The following STON2 variants were observed in gnomAD, a reference collection of about 807,000 sequenced individuals.
STON2 encodes stonin 2.
In STON2, 29 loss-of-function variants were observed where a neutral mutation model predicts 65.7. The observed-to-expected ratio is 0.44, with a 90% confidence interval of 0.33 to 0.60. The LOEUF is 0.60. Among genes scored for constraint, STON2 ranks in the 20% least tolerant of loss-of-function variants. STON2 has a pLI of 0.03. For missense variants in STON2, 1,054 were observed against 1,118.1 expected, an observed-to-expected ratio of 0.94 and a Z score of 0.82; for synonymous variants, 404 against 414.2, an observed-to-expected ratio of 0.98 and a Z score of 0.30.
At chr14:81,303,330 A>G (rs987400485) in intron 5 of STON2, among the ~76,000 whole-genome samples, 3 of 152,226 alleles carry the variant, frequency 2.0e-5, no homozygotes, top group African/African-American at 7.2e-5. Flanking sequence ...GCAGGCACTC[A>G]GTAAATATTT....
chr14:81,360,730 T>C (rs1478786053), intron 4 of STON2, among the ~76,000 whole-genome samples: 1 of 152,114 alleles, frequency 6.6e-6, no homozygotes, highest in East Asian at 1.9e-4. Flanking sequence ...GGAAATGAAA[T>C]TGCCACTGTT....
At chr14:81,295,505 C>T (rs530063739) in intron 5 of STON2, among the ~76,000 whole-genome samples, 2 of 152,198 alleles carry the variant, frequency 1.3e-5, no homozygotes, top group South Asian at 4.2e-4. Flanking sequence ...CTCCTAAATA[C>T]CAAAAGAACT....
chr14:81,419,514 A>C (rs993028445), intron 2 of STON2, among the ~76,000 whole-genome samples: 1 of 152,216 alleles, frequency 6.6e-6, no homozygotes, highest in African/African-American at 2.4e-5. Context: ...GTTCTAAATG[A>C]TGGATCTTTT....
At chr14:81,379,429 A>G (rs1899408676) in intron 3 of STON2, among the ~76,000 whole-genome samples, 1 of 152,232 alleles carries the variant, frequency 6.6e-6, no homozygotes, top group Admixed American at 6.5e-5. Context: ...GGAGATAGAG[A>G]TAAATAGATA....
Position 81,424,062 on chromosome 14 carries a change from G to A in STON2, c.-199+3040C>T, listed in dbSNP as rs1175855397. On this transcript the variant is annotated intron_variant, in intron 2 of 8. Transcript: ENST00000553821. The stretch of plus-strand genomic sequence containing the variant: ...AAATGCCACAGCTTGCAGGACAAAA[G>A]AATTCTCACAGTATAAAATGTGAGC... Among the ~76,000 whole-genome samples, 3 of 152,326 alleles carry A rather than the reference G, an allele frequency of 2.0e-5. No homozygotes were observed. The East Asian group carries it at 5.8e-4, about 29-fold the overall frequency.
chr14:81,382,578 G>A (rs1251137310), intron 3 of STON2, among the ~76,000 whole-genome samples: 3 of 152,124 alleles, frequency 2.0e-5, no homozygotes, highest in Admixed American at 6.5e-5. Flanking sequence ...AGGGAGGAGG[G>A]TGTGATCAGT....
At chr14:81,399,409 T>C (rs952544023) in intron 1 of STON2, among the ~76,000 whole-genome samples, 12 of 152,228 alleles carry the variant, frequency 7.9e-5, no homozygotes, top group African/African-American at 2.9e-4. Flanking sequence ...TTGAACAATA[T>C]CAGTTCTTAT....
intron 5 of STON2, among the ~76,000 whole-genome samples, chr14:81,293,970 A>G (rs1235331810): frequency 6.6e-6 from 1 of 152,170 alleles, no homozygotes; most frequent in African/African-American, 2.4e-5. Context: ...TGATACACCA[A>G]CTTCCTGAAG....
chr14:81,278,619 C>G lies in STON2; in HGVS notation c.863G>C (p.Ser288Thr), dbSNP rs1310446400. 1.3e-6 allele frequency: 2 copies of G among 1,589,218 alleles called. No individual in the cohort carries two copies. Among genetic ancestry groups the G allele is most frequent in the Admixed American group, 3.4e-5 (2 of 58,350 alleles). The change falls in exon 6 of 8, where the codon AGC becomes ACC. Residue 288 changes from serine to threonine, a missense_variant. Physicochemically the swap from Ser to Thr is moderately conservative, Grantham distance 58. Transcript: ENST00000614646. Reference sequence around the variant, plus strand: ...TTCATTGTCATCAAAGGTGACCCAGCTGGGAAAACGAGCAGAGGTCACTGG... The same window carrying G: ...TTCATTGTCATCAAAGGTGACCCAGGTGGGAAAACGAGCAGAGGTCACTGG... ...APPVTSARFP[S>T]WVTFDDNEVS...
chr14:81,390,000 G>A (rs1900001745), intron 3 of STON2, among the ~76,000 whole-genome samples: 2 of 152,028 alleles, frequency 1.3e-5, no homozygotes, highest in African/African-American at 4.8e-5. Flanking sequence ...ATCATTTGAG[G>A]TCAGGAGTTT....
intron 3 of STON2, among the ~76,000 whole-genome samples, chr14:81,377,988 C>T (rs1899332077): frequency 6.6e-6 from 1 of 152,024 alleles, no homozygotes; most frequent in Non-Finnish European, 1.5e-5. Context: ...GCTGGGATTA[C>T]AAGCATGTAC....
chr14:81,403,166 C>T (rs1161573180), upstream of STON2, among the ~76,000 whole-genome samples: 4 of 152,104 alleles, frequency 2.6e-5, no homozygotes, highest in African/African-American at 7.2e-5. Flanking sequence ...TTGTCCTATT[C>T]GATCACTTGT....
chr14:81,346,719 T>A (rs1897822827), intron 4 of STON2, among the ~76,000 whole-genome samples: 1 of 152,198 alleles, frequency 6.6e-6, no homozygotes, highest in South Asian at 2.1e-4. Flanking sequence ...TAAAATAATA[T>A]CAAGTATCTT....
chr14:81,425,607 T>C (rs933858620), intron 2 of STON2, among the ~76,000 whole-genome samples: 3 of 152,062 alleles, frequency 2.0e-5, no homozygotes, highest in African/African-American at 7.2e-5. Context: ...GTTAGTATCT[T>C]AGGGAAGAGT....
intron 1 of STON2, among the ~76,000 whole-genome samples, chr14:81,432,096 T>G (rs77351702): frequency 0.021 from 3,142 of 152,228 alleles, 118 homozygotes; most frequent in East Asian, 0.16. Flanking sequence ...ATTTACATGC[T>G]CTCTGTCACA....
At position 81,265,284 on chromosome 14, in the gene STON2, CCCATAATCAGTTT is replaced by C; in HGVS notation, c.*3117_*3129del. 6.1e-6 allele frequency: 6 copies of C among 983,948 alleles called. No individual in the cohort carries two copies. The highest frequency in any genetic ancestry group is 7.2e-6 in the Non-Finnish European group (6 of 828,688). The allele number at this position is 983,948 out of a possible 1,614,324, so 61.0% of individuals were successfully genotyped here. On this transcript the variant is annotated 3_prime_UTR_variant, in exon 8 of 8. Coordinates refer to ENST00000614646, the MANE Select transcript of STON2 (RefSeq NM_001394390.1). ...ATTATCCCCAAACCCCTAAATGCTA[CCCATAATCAGTTT>C]CCTAAAAACAGTAGAGGGAAAACAA...
intron 4 of STON2, among the ~76,000 whole-genome samples, chr14:81,343,217 T>C (rs1897682790): frequency 6.6e-6 from 1 of 152,178 alleles, no homozygotes. Flanking sequence ...GATTGATATA[T>C]GCCAAAGTGA....
intron 5 of STON2, among the ~76,000 whole-genome samples, chr14:81,290,533 A>G (rs538852227): frequency 5.9e-5 from 9 of 152,092 alleles, no homozygotes; most frequent in African/African-American, 1.4e-4. Context: ...TTGTTGTGCT[A>G]TATCATTTCC....
At chr14:81,372,580 T>G (rs1401344819) in intron 3 of STON2, among the ~76,000 whole-genome samples, 1 of 128,362 alleles carries the variant, frequency 7.8e-6, no homozygotes, top group Non-Finnish European at 1.7e-5. Context: ...AGAAGAAGAA[T>G]CATATCATTG....
Sources: gnomAD v4.1 joint callset for allele counts (sites outside exome capture counted in the v4.1 genomes callset) on GRCh38, gnomAD v4.1.1 for gene constraint, MANE v1.5 for transcripts, NCBI Gene and HGNC (gene_info 2026-07-23, HGNC 2026-07-21) for gene names.